KRT8: variants seen among roughly 807,000 people sequenced by gnomAD.
KRT8 encodes the protein keratin 8.
Under a neutral mutation model 43.0 loss-of-function variants are expected in KRT8, and 24 were observed. That is an observed-to-expected ratio of 0.56 (90% CI 0.40 to 0.78). KRT8 has a LOEUF of 0.78. Ranked by LOEUF, KRT8 falls within the 30% of genes least tolerant of loss-of-function variation. The pLI, the probability that KRT8 is intolerant of heterozygous loss-of-function variation, is 0.00. For synonymous variants in KRT8, 214 were observed against 261.2 expected, an observed-to-expected ratio of 0.82 and a Z score of 1.74; for missense variants, 492 against 638.4, an observed-to-expected ratio of 0.77 and a Z score of 2.47.
rs377721606 is a variant in KRT8, at chr12:52,932,056, C to T, written c.-47+17400G>A. On this transcript the variant is annotated intron_variant, in intron 2 of 6. Coordinates refer to the KRT8 transcript ENST00000546826. ...AAGTAATCTGCCCGCCTCTGCTTCC[C>T]AAATTGTTGGGATTATAGGCACCTG... 6.6e-5 allele frequency among the ~76,000 whole-genome samples: 10 copies of T among 151,816 alleles called. No individual in the cohort carries two copies. In the East Asian group the frequency reaches 7.7e-4, roughly 12 times the overall value.
At chr12:52,949,260 C>G (rs1942418645) in intron 2 of KRT8, 1 of 1,611,180 alleles carries the variant, frequency 6.2e-7, no homozygotes, top group Non-Finnish European at 8.5e-7. Context: ...CCCGGCCGGT[C>G]AGCAGCGCGG....
At chr12:52,926,332 G>GGCCAAC in intron 2 of KRT8, 1 of 600,278 alleles carries the variant, frequency 1.7e-6, no homozygotes. Context: ...GGCACTAGCT[G>GGCCAAC]CCCTCCCCAC....
At chr12:52,905,151 G>A (rs1274771452), upstream of KRT8, 12 of 1,311,138 alleles carry the variant, frequency 9.2e-6, no homozygotes, top group Non-Finnish European at 1.2e-5. Flanking sequence ...TAGGCCCAGA[G>A]GGGGCTGGGC....
At chr12:52,938,621 A>ATTT (rs113138799) in intron 2 of KRT8, among the ~76,000 whole-genome samples, 2 of 146,048 alleles carry the variant, frequency 1.4e-5, no homozygotes, top group Non-Finnish European at 3.0e-5. Flanking sequence ...CTACAAAAGA[A>ATTT]TTTTTTTTTT....
chr12:52,945,260 A>G (rs1942326582), intron 2 of KRT8, among the ~76,000 whole-genome samples: 1 of 152,092 alleles, frequency 6.6e-6, no homozygotes. Flanking sequence ...CACTGAGAGT[A>G]GCTGAAAGGA....
intron 2 of KRT8, among the ~76,000 whole-genome samples, chr12:52,918,099 G>A (rs183068777): frequency 0.7 from 83,087 of 118,540 alleles, 29,959 homozygotes; most frequent in African/African-American, 0.84. Context: ...AAGAAGAAGA[G>A]GAAGAAGAAG....
exon 1 of KRT8, chr12:52,905,065 G>A: frequency 6.6e-7 from 1 of 1,519,846 alleles, no homozygotes; most frequent in Non-Finnish European, 8.8e-7. Flanking sequence ...GGTGAGGAGA[G>A]CTCTCAGGAA....
intron 2 of KRT8, among the ~76,000 whole-genome samples, chr12:52,923,544 C>T (rs889308540): frequency 1.3e-5 from 2 of 152,040 alleles, no homozygotes; most frequent in Non-Finnish European, 2.9e-5. Flanking sequence ...CTCAGCCTCC[C>T]GAGTAGCTGG....
At chr12:52,912,547 C>A (rs1412915463) in intron 2 of KRT8, among the ~76,000 whole-genome samples, 1 of 152,206 alleles carries the variant, frequency 6.6e-6, no homozygotes, top group Non-Finnish European at 1.5e-5. Flanking sequence ...CACCCTAGGC[C>A]TGGCCCCTTT....
At chr12:52,928,212 A>C (rs1942026123) in intron 2 of KRT8, among the ~76,000 whole-genome samples, 1 of 152,210 alleles carries the variant, frequency 6.6e-6, no homozygotes, top group African/African-American at 2.4e-5. Context: ...AGGAAAAGAC[A>C]GCAAAGGCTT....
intron 2 of KRT8, among the ~76,000 whole-genome samples, chr12:52,916,172 G>A (rs1941736326): frequency 6.6e-6 from 1 of 152,138 alleles, no homozygotes; most frequent in African/African-American, 2.4e-5. Context: ...GAAGGGAGGA[G>A]CAGGATGATG....
chr12:52,901,815 G>A, intron 2 of KRT8, 49 bp downstream of exon 2: 1 of 1,300,848 alleles, frequency 7.7e-7, no homozygotes, highest in Non-Finnish European at 1.1e-6. Flanking sequence ...CCCAAGGGGT[G>A]GAGGAGAGCA....
At chr12:52,943,368 C>A (rs1942296083) in intron 2 of KRT8, among the ~76,000 whole-genome samples, 1 of 152,020 alleles carries the variant, frequency 6.6e-6, no homozygotes, top group African/African-American at 2.4e-5. Flanking sequence ...CCCTGTGGGC[C>A]CCCCTTCCTT....
exon 8 of KRT8, chr12:52,897,525 AAGG>A: frequency 6.3e-7 from 1 of 1,598,586 alleles, no homozygotes; most frequent in South Asian, 1.1e-5. Context: ...GGTGCGGCTG[AAGG>A]AGCTGGAGCC....
chr12:52,904,592 T>C (rs1229167446), intron 1 of KRT8, 66 bp downstream of exon 1: 3 of 1,454,358 alleles, frequency 2.1e-6, no homozygotes, highest in East Asian at 2.3e-5. Context: ...GAGATGTGCA[T>C]AGGGACCGGG....
In KRT8 at chr12:52,902,078, C is replaced by A. The variant is rs781550561; in HGVS notation, c.325-6G>T. The A allele has an allele frequency of 1.9e-6, 3 of 1,592,232 alleles. No individual in the cohort carries two copies. In the East Asian group the frequency reaches 6.7e-5, roughly 36 times the overall value. On this transcript the variant is annotated splice_region_variant and splice_polypyrimidine_tract_variant and intron_variant, in intron 1 of 7. Transcript: ENST00000692008. ...TGCTGCTCCAGGAACCGTACCTATACGAAGGAGGAGAGAGCAAAAAGGTCT... is the reference window on the plus strand; with the variant it reads ...TGCTGCTCCAGGAACCGTACCTATAAGAAGGAGGAGAGAGCAAAAAGGTCT...
intron 2 of KRT8, among the ~76,000 whole-genome samples, chr12:52,936,058 C>T (rs757323651): frequency 6.6e-6 from 1 of 151,682 alleles, no homozygotes; most frequent in Non-Finnish European, 1.5e-5. Context: ...TCAAGACCAG[C>T]CTGGTGAACA....
intron 1 of KRT8, 30 bp downstream of exon 1, chr12:52,904,628 C>A (rs199586835): frequency 1.4e-5 from 23 of 1,596,144 alleles, no homozygotes; most frequent in Middle Eastern, 2.2e-4. Context: ...GGGCTGCGGG[C>A]ACAGTCAGCC....
At chr12:52,899,875 C>T (rs1941320414) in exon 5 of KRT8, 2 of 1,612,586 alleles carry the variant, frequency 1.2e-6, no homozygotes, top group Non-Finnish European at 1.7e-6. Context: ...CCCGTGCTTC[C>T]CAGCCAGGCT....
Sources: allele counts gnomAD v4.1 joint callset (sites outside exome capture counted in the v4.1 genomes callset), GRCh38; gene constraint gnomAD v4.1.1; transcripts MANE v1.5; gene names NCBI Gene and HGNC (gene_info 2026-07-23, HGNC 2026-07-21).